Variants in PSMD2 observed in about 807,000 individuals in gnomAD.
PSMD2 encodes 26S proteasome non-ATPase regulatory subunit 2.
A neutral mutation model predicts 101.5 loss-of-function variants in PSMD2; 8 were observed. The observed-to-expected ratio is 0.08, with a 90% CI of 0.05 to 0.14. PSMD2 has a LOEUF of 0.14. Ranked by LOEUF, PSMD2 falls within the 10% of genes least tolerant of loss-of-function variation. The pLI, the probability that PSMD2 is intolerant of heterozygous loss-of-function variation, is 1.00. For missense variants in PSMD2, 784 were observed against 1,147.4 expected (o/e 0.68, Z 4.58); for synonymous variants, 418 against 433.8 (o/e 0.96, Z 0.45).
chr3:184,300,869 C>G (rs1412694710), intron 3 of PSMD2, among the ~76,000 whole-genome samples: 1 of 152,128 alleles, frequency 6.6e-6, no homozygotes, highest in Non-Finnish European at 1.5e-5. Flanking sequence ...TGCTTTGTTC[C>G]TACACAGTCT....
At chr3:184,302,640 G>A (rs767176920) in intron 6 of PSMD2, 39 bp from the exon 7 acceptor site, 1 of 1,613,600 alleles carries the variant, frequency 6.2e-7, no homozygotes. Context: ...TGTGCCCTTA[G>A]TGGACAGTGA....
Position 184,308,977 on chromosome 3 carries a change from T to G in PSMD2, c.*87T>G. The G allele has an allele frequency of 7.2e-7, 1 of 1,380,146 alleles. No homozygotes were observed. The highest frequency in any genetic ancestry group is 9.9e-7 in the Non-Finnish European group (1 of 1,006,280). 85.5% of individuals were successfully genotyped at this position (1,380,146 alleles called of 1,614,324 possible). A position where few individuals can be genotyped will look rare whatever the true frequency, so the allele number is the denominator to read the frequency against. ...AAGGGTGGACACGGCTGCAGACTTCTGGGGGAATTGTCGCCTCCTGCTCTT... is the reference window on the plus strand; with the variant it reads ...AAGGGTGGACACGGCTGCAGACTTCGGGGGGAATTGTCGCCTCCTGCTCTT... On this transcript the variant is annotated 3_prime_UTR_variant, in exon 21 of 21. Transcript: ENST00000310118. The surrounding 1 kb of genome is among the most constrained non-coding windows in gnomAD (Gnocchi z 6.0).
intron 16 of PSMD2, 49 bp from the exon 17 acceptor site, chr3:184,307,308 T>G: frequency 6.3e-7 from 1 of 1,589,986 alleles, no homozygotes; most frequent in Non-Finnish European, 8.6e-7. Flanking sequence ...GTAATGGAAT[T>G]TGTTTTTACT....
chr3:184,307,076 C>T (rs569072131), intron 16 of PSMD2, among the ~76,000 whole-genome samples: 2 of 152,146 alleles, frequency 1.3e-5, no homozygotes, highest in African/African-American at 4.8e-5. Flanking sequence ...TCACAAGTAG[C>T]TGGGACTACA....
At position 184,302,843 on chromosome 3, in the gene PSMD2, A is replaced by C. The variant is rs767843663; in HGVS notation, c.1008+20A>C. On this transcript the variant is annotated intron_variant, in intron 7 of 20. Coordinates refer to ENST00000310118, the MANE Select transcript of PSMD2 (RefSeq NM_002808.5). ...CGGGAGGTGAGACTGCCCTTTTTTC[A>C]TCAAGGCCTTTTCGTCATAATTCTA... 6.2e-7 allele frequency: 1 copy of C among 1,613,872 alleles called. No homozygotes were observed. The highest frequency in any genetic ancestry group is 8.5e-7 in the Non-Finnish European group (1 of 1,179,922).
In PSMD2 at chr3:184,308,518, C is replaced by T. The variant is rs200846938; in HGVS notation, c.2495C>T (p.Thr832Met). The change falls in exon 20 of 21, where the codon ACG (threonine) becomes ATG (methionine). Residue 832 changes from threonine (T) to methionine (M), a missense_variant. Thr to Met is a moderately conservative substitution (Grantham distance 81). Transcript: ENST00000310118. The surrounding 1 kb of genome is among the most constrained non-coding windows in gnomAD (Gnocchi z 6.0). ...GCCATGCAGCCCCGAATGCTGGTTACGTTTGATGAGGAGCTGCGGCCATTG... is the reference window on the plus strand; with the variant it reads ...GCCATGCAGCCCCGAATGCTGGTTATGTTTGATGAGGAGCTGCGGCCATTG... ...VAAMQPRMLVTFDEELRPLPV... is the reference protein window; with the variant it reads ...VAAMQPRMLVMFDEELRPLPV... 4.0e-5 allele frequency: 64 copies of T among 1,613,488 alleles called. No homozygotes were observed. The highest frequency in any genetic ancestry group is 4.9e-5 in the Non-Finnish European group (58 of 1,180,000).
intron 1 of PSMD2, 178 bp from the exon 2 acceptor site, chr3:184,299,673 G>C: frequency 1.5e-6 from 1 of 648,982 alleles, no homozygotes; most frequent in South Asian, 2.0e-5. Flanking sequence ...CATTCAAGTA[G>C]AGCCTGATTC....
Position 184,308,885 on chromosome 3 carries a change from C to G in PSMD2, c.2722C>G (p.Leu908Val). ...CCTTCGGAAGAACCCCAATTATGAT[C>G]TCTAAGTGACCACCAGGGGCTCTGA... is the stretch of plus-strand genomic sequence containing the variant. Reference protein sequence around the residue: ...VILRKNPNYDL With the variant: ...VILRKNPNYDV Residue 908 changes from leucine (L) to valine (V), a missense_variant, in exon 21 of 21, where the codon CTC becomes GTC. Leu to Val is a conservative substitution (Grantham distance 32). Around this residue, in one of 6 missense-constraint regions of PSMD2, gnomAD observed 33 missense variants for 38.2 expected, o/e 0.86. Transcript: ENST00000310118. The surrounding 1 kb of genome is among the most constrained non-coding windows in gnomAD (Gnocchi z 6.0). 1.2e-6 allele frequency: 2 copies of G among 1,611,374 alleles called. No homozygotes were observed. Among genetic ancestry groups the G allele is most frequent in the Non-Finnish European group, 1.7e-6 (2 of 1,179,460 alleles).
At chr3:184,302,113 T>A (rs1250155787) in intron 5 of PSMD2, 42 bp downstream of exon 5, 3 of 1,576,468 alleles carry the variant, frequency 1.9e-6, no homozygotes, top group Admixed American at 3.3e-5. Context: ...CATGCCCTCC[T>A]CAGCACCTCT....
At position 184,308,118 on chromosome 3, in the gene PSMD2, C is replaced by G; in HGVS notation, c.2425+102C>G. On this transcript the variant is annotated intron_variant, in intron 19 of 20. Coordinates refer to ENST00000310118, the MANE Select transcript of PSMD2 (RefSeq NM_002808.5). The surrounding 1 kb of genome is among the most constrained non-coding windows in gnomAD (Gnocchi z 6.0). ...TTAGGTTCAAGACCCCAGTTTAGCT[C>G]TGTATCGCTCTAGGTTTCTGAGACA... is the stretch of plus-strand genomic sequence containing the variant. The G allele has an allele frequency of 7.0e-7, 1 of 1,433,366 alleles. No individual in the cohort carries two copies. Among genetic ancestry groups the G allele is most frequent in the Non-Finnish European group, 9.4e-7 (1 of 1,061,050 alleles). 88.8% of individuals were successfully genotyped at this position (1,433,366 alleles called of 1,614,324 possible).
chr3:184,301,430 G>GC, intron 3 of PSMD2, 107 bp from the exon 4 acceptor site: 1 of 1,363,578 alleles, frequency 7.3e-7, no homozygotes, highest in Non-Finnish European at 1.0e-6. Flanking sequence ...TACAGAGATT[G>GC]GTATGTAGTT....
chr3:184,300,603 A>C (rs922024164), intron 3 of PSMD2, 159 bp downstream of exon 3: 28 of 1,418,636 alleles, frequency 2.0e-5, no homozygotes, highest in Non-Finnish European at 2.6e-5. Flanking sequence ...GAAGAGCTGA[A>C]AGGAAGGTCA....
intron 2 of PSMD2, 86 bp from the exon 3 acceptor site, chr3:184,300,194 G>A (rs902111452): frequency 7.5e-7 from 1 of 1,325,072 alleles, no homozygotes; most frequent in African/African-American, 1.5e-5. Flanking sequence ...CATTTCCTTG[G>A]AGGAGTTGTT....
intron 16 of PSMD2, 46 bp from the exon 17 acceptor site, chr3:184,307,311 T>C (rs1360862954): frequency 6.3e-7 from 1 of 1,597,790 alleles, no homozygotes; most frequent in East Asian, 2.2e-5. Context: ...ATGGAATTTG[T>C]TTTTACTGCA....
chr3:184,301,726 T>C (rs1288275100), intron 4 of PSMD2, 68 bp downstream of exon 4: 3 of 1,610,062 alleles, frequency 1.9e-6, no homozygotes, highest in Middle Eastern at 1.7e-4. Context: ...AATTTTCTTG[T>C]GGAGTACAAT....
chr3:184,302,910 T>G (rs747637126), intron 7 of PSMD2, 87 bp downstream of exon 7: 124 of 1,610,556 alleles, frequency 7.7e-5, no homozygotes, highest in Non-Finnish European at 1.0e-4. Context: ...GACTAGACTC[T>G]CCTTGATTAG....
In PSMD2 at chr3:184,308,420, T is replaced by A. The variant is rs763174080; in HGVS notation, c.2426-29T>A. On this transcript the variant is annotated intron_variant, in intron 19 of 20. Coordinates refer to ENST00000310118, the MANE Select transcript of PSMD2 (RefSeq NM_002808.5). This position sits in a 1 kb window ranked among gnomAD's most constrained non-coding sequence, Gnocchi z 6.0. ...TGGCCAGGCCTGTCTTTTTGTCTCTTAACTTTTTGTCCTGTCTGCTTCCCT... is the reference window on the plus strand; with the variant it reads ...TGGCCAGGCCTGTCTTTTTGTCTCTAAACTTTTTGTCCTGTCTGCTTCCCT... 6.4e-7 allele frequency: 1 copy of A among 1,559,942 alleles called. No homozygotes were observed. Among genetic ancestry groups the A allele is most frequent in the Admixed American group, 1.7e-5 (1 of 57,332 alleles).
At position 184,306,846 on chromosome 3, in the gene PSMD2, A is replaced by G; in HGVS notation, c.2034+12A>G. 6.2e-7 allele frequency: 1 copy of G among 1,608,762 alleles called. No homozygotes were observed. Among genetic ancestry groups the G allele is most frequent in the East Asian group, 2.2e-5 (1 of 44,816 alleles). On this transcript the variant is annotated intron_variant, in intron 16 of 20. Transcript: ENST00000310118. ...CCTTTGGCCACTTGGTGAGTATAGCATGAAGAAAATTGGAATATACTGGTT... is the reference window on the plus strand; with the variant it reads ...CCTTTGGCCACTTGGTGAGTATAGCGTGAAGAAAATTGGAATATACTGGTT...
intron 7 of PSMD2, 79 bp from the exon 8 acceptor site, chr3:184,302,923 T>C: frequency 1.2e-6 from 2 of 1,609,390 alleles, no homozygotes; most frequent in Non-Finnish European, 1.7e-6. Flanking sequence ...TTGATTAGAA[T>C]TGCCATTCAG....
Sources: gnomAD v4.1 joint callset for allele counts (sites outside exome capture counted in the v4.1 genomes callset) on GRCh38, gnomAD v4.1.1 for gene constraint, gnomAD v4.1.1 regional missense constraint, Gnocchi (gnomAD v3.1) non-coding constraint, MANE v1.5 for transcripts, NCBI Gene and HGNC (gene_info 2026-07-23, HGNC 2026-07-21) for gene names.